Variants in ARHGAP25 observed in about 807,000 individuals in gnomAD.
ARHGAP25 encodes the protein rho GTPase-activating protein 25.
In ARHGAP25, 34 loss-of-function variants were observed where a neutral mutation model predicts 71.0. The ratio of observed to expected loss-of-function variants is 0.48; its 90% CI spans 0.36 to 0.64. The LOEUF (loss-of-function observed/expected upper bound fraction) is 0.64. Among genes scored for constraint, ARHGAP25 ranks in the 30% least tolerant of loss-of-function variants. The pLI is 0.00. For missense variants in ARHGAP25, 706 were observed against 805.1 expected, an observed-to-expected ratio of 0.88 and a Z score of 1.49; for synonymous variants, 282 against 296.5, an observed-to-expected ratio of 0.95 and a Z score of 0.50.
At chr2:68,737,916 C>G (rs1675302903) in intron 1 of ARHGAP25, among the ~76,000 whole-genome samples, 1 of 152,142 alleles carries the variant, frequency 6.6e-6, no homozygotes, top group Admixed American at 6.5e-5. Flanking sequence ...GAGGGACTCT[C>G]CACTGTACTT....
At chr2:68,802,606 G>A (rs1034115177) in intron 4 of ARHGAP25, among the ~76,000 whole-genome samples, 1 of 151,760 alleles carries the variant, frequency 6.6e-6, no homozygotes, top group African/African-American at 2.4e-5. Flanking sequence ...TTTGAGGAAG[G>A]CTACAGGAGA....
intron 1 of ARHGAP25, among the ~76,000 whole-genome samples, chr2:68,771,883 G>A (rs534232754): frequency 1.3e-5 from 2 of 152,180 alleles, no homozygotes; most frequent in African/African-American, 4.8e-5. Context: ...ATAAAACATG[G>A]CCAGGCAGAG....
At chr2:68,715,804 A>G (rs2104249369) in intron 2 of ARHGAP25, among the ~76,000 whole-genome samples, 1 of 152,324 alleles carries the variant, frequency 6.6e-6, no homozygotes, top group African/African-American at 2.4e-5. Flanking sequence ...ACCCGAACAC[A>G]GTTCCATTCT....
At chr2:68,760,178 G>A (rs1676716583) in intron 1 of ARHGAP25, among the ~76,000 whole-genome samples, 1 of 151,900 alleles carries the variant, frequency 6.6e-6, no homozygotes, top group Non-Finnish European at 1.5e-5. Flanking sequence ...GGAATAGAAG[G>A]AATCTACCTC....
chr2:68,808,418 C>G (rs749928922), intron 5 of ARHGAP25, among the ~76,000 whole-genome samples: 2 of 152,190 alleles, frequency 1.3e-5, no homozygotes, highest in Admixed American at 1.3e-4. Context: ...ACCCCTCACT[C>G]TAATCACCAA....
At position 68,735,121 on chromosome 2, in the gene ARHGAP25, A is replaced by G. The variant is rs1675136345; in HGVS notation, c.-79A>G. On this transcript the variant is annotated 5_prime_UTR_variant, in exon 1 of 11. Transcript: ENST00000409202. ...CAAAAACAGACACAAAAACAGAGGGAAAGAGTGAAAAGACAAGAAGGGCGC... is the reference window on the plus strand; with the variant it reads ...CAAAAACAGACACAAAAACAGAGGGGAAGAGTGAAAAGACAAGAAGGGCGC... The G allele has an allele frequency of 7.6e-6, 9 of 1,189,824 alleles. No individual in the cohort carries two copies. Among genetic ancestry groups the G allele is most frequent in the Non-Finnish European group, 1.1e-5 (9 of 793,370 alleles). The allele number at this position is 1,189,824 out of a possible 1,614,324, so 73.7% of individuals were successfully genotyped here. A position where few individuals can be genotyped will look rare whatever the true frequency, so the allele number is the denominator to read the frequency against.
rs571311324 is a variant in ARHGAP25, at chr2:68,760,309, T to C, written c.62-14912T>C. Among the ~76,000 whole-genome samples the C allele has an allele frequency of 1.2e-4, 19 of 152,164 alleles. No homozygotes were observed. The South Asian group carries it at 2.5e-3, about 20-fold the overall frequency. ...AGGATGTCCACTTTTGCAACTTCGATGCAATGTAATACTTGAAGCCCTAGA... is the reference window on the plus strand; with the variant it reads ...AGGATGTCCACTTTTGCAACTTCGACGCAATGTAATACTTGAAGCCCTAGA... On this transcript the variant is annotated intron_variant, in intron 1 of 10. Transcript: ENST00000409202.
chr2:68,787,951 G>A lies in ARHGAP25; in HGVS notation c.461G>A (p.Cys154Tyr), dbSNP rs148964943. The A allele has an allele frequency of 6.2e-6, 10 of 1,613,846 alleles. No homozygotes were observed. Among genetic ancestry groups the A allele is most frequent in the African/African-American group, 2.7e-5 (2 of 74,922 alleles). ...CTCAGGAGAGTTGCTGGCACACCCTGTGGAGGTAAGGACCCCTGCAGGCTT... is the reference window on the plus strand; with the variant it reads ...CTCAGGAGAGTTGCTGGCACACCCTATGGAGGTAAGGACCCCTGCAGGCTT... ...KFLRRVAGTP[C>Y]GAVFGQRLDE... Residue 154 changes from cysteine to tyrosine, a missense_variant, in exon 4 of 11, where the codon TGT becomes TAT. Transcript: ENST00000409202.
chr2:68,751,896 G>C (rs1480351407), intron 1 of ARHGAP25, among the ~76,000 whole-genome samples: 1 of 152,224 alleles, frequency 6.6e-6, no homozygotes, highest in South Asian at 2.1e-4. Flanking sequence ...ATTGCGAGGT[G>C]TAAACTGACG....
chr2:68,777,659 A>G (rs4854513), intron 2 of ARHGAP25, among the ~76,000 whole-genome samples: 46,208 of 152,042 alleles, frequency 0.3, 7,573 homozygotes, highest in Middle Eastern at 0.4. Context: ...AGTAAGCAAA[A>G]CCACACAACC....
At chr2:68,762,262 T>C (rs4854450) in intron 1 of ARHGAP25, among the ~76,000 whole-genome samples, 129,067 of 152,218 alleles carry the variant, frequency 0.85, 54,960 homozygotes, top group African/African-American at 0.9. Flanking sequence ...CTGTAATGGG[T>C]ACAGAATTTC....
chr2:68,783,009 G>A (rs1386788500), intron 3 of ARHGAP25, among the ~76,000 whole-genome samples: 2 of 152,242 alleles, frequency 1.3e-5, no homozygotes, highest in African/African-American at 2.4e-5. Context: ...TGCTACTGCT[G>A]TACTGACCAC....
At chr2:68,797,660 C>T (rs1268805851) in intron 4 of ARHGAP25, among the ~76,000 whole-genome samples, 1 of 152,208 alleles carries the variant, frequency 6.6e-6, no homozygotes, top group Non-Finnish European at 1.5e-5. Context: ...CAAGTTCTCC[C>T]ATGCACAGCC....
intron 5 of ARHGAP25, among the ~76,000 whole-genome samples, chr2:68,809,311 T>C (rs1013014719): frequency 3.3e-5 from 5 of 151,954 alleles, no homozygotes; most frequent in African/African-American, 7.3e-5. Context: ...GCCGGATGCA[T>C]AGGGTAGGGA....
rs1254844052 is a variant in ARHGAP25, at chr2:68,822,810, G to A, written c.1671G>A (p.Met557Ile). The change falls in exon 10 of 11, where the codon ATG (methionine) becomes ATA (isoleucine). Residue 557 changes from methionine to isoleucine, a missense_variant. Met to Ile is a conservative substitution (Grantham distance 10, BLOSUM62 1). Transcript: ENST00000409202. Reference protein sequence around the residue: ...GEEEIDSLQRMVQELRKEIET... With the variant: ...GEEEIDSLQRIVQELRKEIET... Reference sequence around the variant, plus strand: ...AGGAAATTGATTCTTTGCAGAGGATGGTCCAAGAGCTACGAAAGGAAATAG... The same window carrying A: ...AGGAAATTGATTCTTTGCAGAGGATAGTCCAAGAGCTACGAAAGGAAATAG... The A allele has an allele frequency of 1.2e-6, 2 of 1,613,768 alleles. No homozygotes were observed. Among genetic ancestry groups the A allele is most frequent in the East Asian group, 2.2e-5 (1 of 44,896 alleles).
intron 2 of ARHGAP25, among the ~76,000 whole-genome samples, chr2:68,717,234 A>G (rs1170609923): frequency 6.6e-6 from 1 of 152,206 alleles, no homozygotes; most frequent in Non-Finnish European, 1.5e-5. Flanking sequence ...GTAAAATACA[A>G]TATTATTATC....
intron 1 of ARHGAP25, chr2:68,774,715 T>G (rs1292894591): frequency 9.9e-7 from 1 of 1,005,216 alleles, no homozygotes; most frequent in African/African-American, 1.7e-5. Context: ...TAACAGCTTC[T>G]GTCTTGCGGC....
intron 2 of ARHGAP25, among the ~76,000 whole-genome samples, chr2:68,713,092 C>T (rs1049545497): frequency 1.6e-4 from 24 of 152,112 alleles, no homozygotes; most frequent in African/African-American, 5.6e-4. Context: ...CTATAAATTA[C>T]TTTGGGCAGT....
chr2:68,781,761 T>A (rs565503504), intron 2 of ARHGAP25, among the ~76,000 whole-genome samples: 57 of 152,312 alleles, frequency 3.7e-4, no homozygotes, highest in African/African-American at 1.3e-3. Flanking sequence ...GAATAATACA[T>A]TCAAGGTGGT....
Sources: gnomAD v4.1 joint callset for allele counts (sites outside exome capture counted in the v4.1 genomes callset) on GRCh38, gnomAD v4.1.1 for gene constraint, MANE v1.5 for transcripts, NCBI Gene and HGNC (gene_info 2026-07-23, HGNC 2026-07-21) for gene names.